TESC: variants seen among roughly 807,000 people sequenced by gnomAD.
The protein encoded by TESC is tescalcin.
TESC carries 19 observed loss-of-function variants against 31.0 expected under a neutral mutation model. That is an observed-to-expected ratio of 0.61 (90% confidence interval 0.43 to 0.90). TESC has a LOEUF of 0.90. Among genes scored for constraint, TESC ranks in the 40% least tolerant of loss-of-function variants. The probability of loss-of-function intolerance (pLI) is 0.00; values close to 1 mark genes in which losing one functional copy is unlikely to be tolerated. For synonymous variants in TESC, 109 were observed against 114.8 expected (o/e 0.95, Z 0.32); for missense variants, 248 against 303.8 (o/e 0.82, Z 1.36).
At chr12:117,042,128 C>A in intron 6 of TESC, 134 bp from the exon 7 acceptor site, 1 of 878,430 alleles carries the variant, frequency 1.1e-6, no homozygotes, top group Admixed American at 2.5e-5. Flanking sequence ...GGAGGAATCA[C>A]AAGAAGAGGA....
chr12:117,087,338 C>T (rs918330839), intron 1 of TESC, among the ~76,000 whole-genome samples: 4 of 152,188 alleles, frequency 2.6e-5, no homozygotes, highest in Non-Finnish European at 4.4e-5. Context: ...CCAACTTCAA[C>T]CCACTTTGTA....
intron 1 of TESC, among the ~76,000 whole-genome samples, chr12:117,079,592 T>A (rs973269050): frequency 1.3e-5 from 2 of 149,934 alleles, no homozygotes; most frequent in Non-Finnish European, 3.0e-5. Flanking sequence ...CTTGAAAGCA[T>A]CCTGGTGTGT....
chr12:117,091,612 T>C (rs1040773796), intron 1 of TESC, among the ~76,000 whole-genome samples: 3 of 152,148 alleles, frequency 2.0e-5, no homozygotes, highest in Non-Finnish European at 4.4e-5. Flanking sequence ...ACAAATTCTT[T>C]TGAAACAGAC....
At position 117,049,144 on chromosome 12, in the gene TESC, C is replaced by T. The variant is rs772630732; in HGVS notation, c.224G>A (p.Gly75Glu). 2.5e-6 allele frequency: 4 copies of T among 1,614,094 alleles called. No homozygotes were observed. In the Admixed American group the frequency reaches 5.0e-5, roughly 20 times the overall value. Residue 75 changes from glycine (G) to glutamate (E), a missense_variant, in exon 4 of 8, where the codon GGA (glycine) becomes GAA (glutamate). Transcript: ENST00000335209. ...AFFDNRNLRK[G>E]PSGLADEINF... ...GATCTCATCAGCCAGGCCACTGGGTCCCTTGCGCAGGTTCCTACGGGAGCA... is the reference window on the plus strand; with the variant it reads ...GATCTCATCAGCCAGGCCACTGGGTTCCTTGCGCAGGTTCCTACGGGAGCA...
intron 1 of TESC, among the ~76,000 whole-genome samples, chr12:117,084,442 T>C (rs373285345): frequency 5.3e-5 from 8 of 152,310 alleles, no homozygotes; most frequent in African/African-American, 1.9e-4. Flanking sequence ...TCCCCTTTCA[T>C]TAAGAGGAGG....
chr12:117,069,415 T>C (rs1292404952), intron 2 of TESC, among the ~76,000 whole-genome samples: 1 of 152,124 alleles, frequency 6.6e-6, no homozygotes, highest in Non-Finnish European at 1.5e-5. Flanking sequence ...ATTTTTGTAT[T>C]TTCAGTAGAG....
intron 2 of TESC, 111 bp from the exon 3 acceptor site, chr12:117,056,997 A>T: frequency 2.0e-6 from 2 of 998,618 alleles, no homozygotes; most frequent in Non-Finnish European, 3.1e-6. Context: ...ACAGGCCCCC[A>T]CAAGAATAGT....
chr12:117,090,948 G>A (rs77964762), intron 1 of TESC, among the ~76,000 whole-genome samples: 61 of 152,224 alleles, frequency 4.0e-4, no homozygotes, highest in East Asian at 2.1e-3. Context: ...TGCTGTCTCC[G>A]GCCTGGCCAC....
intron 7 of TESC, 77 bp from the exon 8 acceptor site, chr12:117,039,287 C>G: frequency 7.2e-7 from 1 of 1,397,406 alleles, no homozygotes; most frequent in South Asian, 1.2e-5. Context: ...GGTCCTCGGC[C>G]CTTCCCACCT....
chr12:117,075,913 A>ATATATG (rs1265957613), intron 1 of TESC, among the ~76,000 whole-genome samples: 141 of 51,878 alleles, frequency 2.7e-3, no homozygotes, highest in Middle Eastern at 0.013. Context: ...ATATATATAT[A>ATATATG]TGTGTGTGTG....
intron 7 of TESC, among the ~76,000 whole-genome samples, chr12:117,040,078 CG>C (rs1257558549): frequency 6.6e-6 from 1 of 152,248 alleles, no homozygotes; most frequent in Non-Finnish European, 1.5e-5. Context: ...TCAGCATCTC[CG>C]GGGACAGCCA....
intron 3 of TESC, among the ~76,000 whole-genome samples, chr12:117,053,440 T>C (rs1954676826): frequency 6.6e-6 from 1 of 152,130 alleles, no homozygotes; most frequent in Admixed American, 6.5e-5. Flanking sequence ...CCTGGGTCTG[T>C]CCAGGATCGT....
rs375852638 is a variant in TESC, at chr12:117,044,580, T to C, written c.519+1979A>G. Among the ~76,000 whole-genome samples the C allele has an allele frequency of 1.6e-4, 25 of 152,238 alleles. No individual in the cohort carries two copies. The East Asian group carries it at 4.6e-3, about 28-fold the overall frequency. ...AGTCCCCCCATCAAGCATCCATGGGTGTGACCTCCTGAGAAAGCACTCTCA... is the reference window on the plus strand; with the variant it reads ...AGTCCCCCCATCAAGCATCCATGGGCGTGACCTCCTGAGAAAGCACTCTCA... On this transcript the variant is annotated intron_variant, in intron 6 of 7. Coordinates refer to ENST00000335209, the MANE Select transcript of TESC (RefSeq NM_017899.4).
chr12:117,094,338 G>T (rs918934688), intron 1 of TESC, among the ~76,000 whole-genome samples: 1 of 152,176 alleles, frequency 6.6e-6, no homozygotes, highest in Non-Finnish European at 1.5e-5. Flanking sequence ...GGAGATGCTG[G>T]GAGGGTTGGC....
Position 117,054,566 on chromosome 12 carries a change from G to C in TESC, c.209+2240C>G, listed in dbSNP as rs566023163. ...TGGTTTAACTCTTGGTCACTCTCTC[G>C]CCAGGCCTTGCCCCATGGGCCACAG... On this transcript the variant is annotated intron_variant, in intron 3 of 7. Transcript: ENST00000335209. 9.9e-5 allele frequency among the ~76,000 whole-genome samples: 15 copies of C among 152,150 alleles called. 1 individual carries two copies. The Middle Eastern group carries it at 0.01, about 104-fold the overall frequency.
At chr12:117,063,783 C>G (rs1298869213) in intron 2 of TESC, among the ~76,000 whole-genome samples, 1 of 152,190 alleles carries the variant, frequency 6.6e-6, no homozygotes, top group South Asian at 2.1e-4. Context: ...TGTGGTGTCC[C>G]CCACAGTGGG....
chr12:117,047,489 A>G (rs1954585674), intron 4 of TESC, among the ~76,000 whole-genome samples: 1 of 151,960 alleles, frequency 6.6e-6, no homozygotes, highest in Non-Finnish European at 1.5e-5. Flanking sequence ...TAGTGGCACG[A>G]TCTGGGCTCT....
Position 117,059,784 on chromosome 12 carries a change from G to C in TESC, c.129-2898C>G, listed in dbSNP as rs11610361. Among the ~76,000 whole-genome samples, 4 of 152,042 alleles carry C rather than the reference G, an allele frequency of 2.6e-5. No homozygotes were observed. The East Asian group carries it at 7.7e-4, about 29-fold the overall frequency. On this transcript the variant is annotated intron_variant, in intron 2 of 7. Transcript: ENST00000335209. ...ACTTCTGTATTTTTAGTAGAGGTGC[G>C]GTTTCACCAGTTGGCCAGGCTGGTC...
rs1379302890 is a variant in TESC at position 117,049,138 on chromosome 12, C to T, written c.230G>A (p.Ser77Asn). 6.2e-7 allele frequency: 1 copy of T among 1,614,144 alleles called. No homozygotes were observed. Among genetic ancestry groups the T allele is most frequent in the African/African-American group, 1.3e-5 (1 of 74,948 alleles). Residue 77 changes from serine (S) to asparagine (N), a missense_variant, in exon 4 of 8, where the codon AGT becomes AAT. Transcript: ENST00000335209. ...FDNRNLRKGP[S>N]GLADEINFED... The stretch of plus-strand genomic sequence containing the variant: ...GAAATTGATCTCATCAGCCAGGCCA[C>T]TGGGTCCCTTGCGCAGGTTCCTACG...
Sources: gnomAD v4.1 joint callset for allele counts (sites outside exome capture counted in the v4.1 genomes callset) on GRCh38, gnomAD v4.1.1 for gene constraint, MANE v1.5 for transcripts, NCBI Gene and HGNC (gene_info 2026-07-23, HGNC 2026-07-21) for gene names.